CDH13: variants seen among roughly 807,000 people sequenced by gnomAD.
CDH13 encodes cadherin 13.
CDH13 carries 24 observed loss-of-function variants against 63.8 expected under a neutral mutation model. The observed-to-expected ratio is 0.38, with a 90% CI of 0.27 to 0.53. The LOEUF (loss-of-function observed/expected upper bound fraction) is 0.53, where lower values mean the gene tolerates loss of function less well. Among genes scored for constraint, CDH13 ranks in the 20% least tolerant of loss-of-function variants. The pLI, the probability that CDH13 is intolerant of heterozygous loss-of-function variation, is 0.85. For synonymous variants in CDH13, 503 were observed against 355.3 expected, an observed-to-expected ratio of 1.42 and a Z score of -4.67; for missense variants, 1,049 against 903.1, an observed-to-expected ratio of 1.16 and a Z score of -2.07.
chr16:83,339,835 G>T (rs532446968), intron 5 of CDH13, among the ~76,000 whole-genome samples: 39 of 152,274 alleles, frequency 2.6e-4, no homozygotes, highest in African/African-American at 8.7e-4. Context: ...ATCTCTCAAA[G>T]TGCTGGTTTA....
intron 8 of CDH13, among the ~76,000 whole-genome samples, chr16:83,606,857 A>C (rs1042858120): frequency 6.6e-6 from 1 of 152,064 alleles, no homozygotes; most frequent in African/African-American, 2.4e-5. Flanking sequence ...CAATAGGGTC[A>C]CTGCAGCACC....
At chr16:83,098,629 A>C (rs566947427) in intron 3 of CDH13, among the ~76,000 whole-genome samples, 2 of 152,312 alleles carry the variant, frequency 1.3e-5, no homozygotes, top group East Asian at 1.9e-4. Flanking sequence ...TGGATACAGA[A>C]TTCTGAGTTG....
intron 2 of CDH13, among the ~76,000 whole-genome samples, chr16:82,997,497 C>A (rs1166126316): frequency 6.6e-6 from 1 of 152,030 alleles, no homozygotes; most frequent in Non-Finnish European, 1.5e-5. Context: ...CCATGGTAAA[C>A]AAAATGTCAA....
intron 6 of CDH13, among the ~76,000 whole-genome samples, chr16:83,365,028 A>G (rs1486755112): frequency 6.6e-6 from 1 of 152,242 alleles, no homozygotes; most frequent in Admixed American, 6.5e-5. Flanking sequence ...AGGTGTACCT[A>G]TGTAATAAAC....
At chr16:83,308,514 C>T (rs2089929778) in intron 5 of CDH13, among the ~76,000 whole-genome samples, 1 of 152,146 alleles carries the variant, frequency 6.6e-6, no homozygotes, top group Admixed American at 6.5e-5. Flanking sequence ...AGGAATTTTT[C>T]AGTATAAGGC....
chr16:82,825,566 G>A (rs1426588217), intron 1 of CDH13: 18 of 138,012 alleles, frequency 1.3e-4, no homozygotes, highest in Admixed American at 4.6e-4. Flanking sequence ...TTCCCAAACA[G>A]AGTCTCCCTC....
rs1567731430 is a variant in CDH13, at chr16:83,000,220, C to CTT, written c.158-31789_158-31788dup. On this transcript the variant is annotated intron_variant, in intron 2 of 13. Coordinates refer to ENST00000567109, the MANE Select transcript of CDH13 (RefSeq NM_001257.5). ...TCCCTAGGAATATCCACAGGTTTAG[C>CTT]TTATTTTTTTTTTTTTTTTTTTTTT... Among the ~76,000 whole-genome samples the CTT allele has an allele frequency of 3.0e-3, 102 of 33,968 alleles. 14 individuals are homozygous for CTT. The highest frequency in any genetic ancestry group is 6.3e-3 in the African/African-American group (61 of 9,672). The allele number at this position is 33,968 out of a possible 152,430, so 22.3% of individuals were successfully genotyped here. A position where few individuals can be genotyped will look rare whatever the true frequency, so the allele number is the denominator to read the frequency against.
rs9936069 is a variant in CDH13, at chr16:82,651,924, A to T, written c.45+24787A>T. ...GTCAGTCCAGGGAAAAGCAGGAGGGAAGATAAGACATGACTGAGAATTCAG... is the reference window on the plus strand; with the variant it reads ...GTCAGTCCAGGGAAAAGCAGGAGGGTAGATAAGACATGACTGAGAATTCAG... On this transcript the variant is annotated intron_variant, in intron 1 of 13. Transcript: ENST00000567109. Among the ~76,000 whole-genome samples the T allele has an allele frequency of 9.8e-3, 1,500 of 152,318 alleles. 26 individuals are homozygous for T. The highest frequency in any genetic ancestry group is 0.035 in the African/African-American group (1,437 of 41,558).
At chr16:82,700,188 G>C (rs1006305176) in intron 1 of CDH13, among the ~76,000 whole-genome samples, 6 of 152,156 alleles carry the variant, frequency 3.9e-5, no homozygotes, top group Non-Finnish European at 8.8e-5. Context: ...TTTTTCCTGC[G>C]GGACTTCTCA....
At chr16:82,926,738 G>A (rs1467434390) in intron 2 of CDH13, among the ~76,000 whole-genome samples, 1 of 152,200 alleles carries the variant, frequency 6.6e-6, no homozygotes, top group East Asian at 1.9e-4. Context: ...TCTGAGCAGT[G>A]TGAGGCATGG....
At chr16:83,199,798 C>G (rs2038973072) in intron 4 of CDH13, among the ~76,000 whole-genome samples, 1 of 152,096 alleles carries the variant, frequency 6.6e-6, no homozygotes, top group South Asian at 2.1e-4. Flanking sequence ...GAATGCAGGT[C>G]TATTATTCCC....
In CDH13 at chr16:83,645,737, G is replaced by A. The variant is rs115091723; in HGVS notation, c.1102-25053G>A. Among the ~76,000 whole-genome samples, 824 of 151,968 alleles carry A rather than the reference G, an allele frequency of 5.4e-3. 8 individuals carry two copies. Among genetic ancestry groups the A allele is most frequent in the African/African-American group, 0.019 (769 of 41,438 alleles). On this transcript the variant is annotated intron_variant, in intron 8 of 13. Coordinates refer to ENST00000567109, the MANE Select transcript of CDH13 (RefSeq NM_001257.5). ...ACTTGCTAGCCCCTGCAGGTGGCCC[G>A]TTCTTGGTGGTAGAGCATAAGGGAA...
intron 4 of CDH13, among the ~76,000 whole-genome samples, chr16:83,164,025 A>C (rs1187010451): frequency 1.3e-5 from 2 of 152,008 alleles, no homozygotes; most frequent in African/African-American, 4.8e-5. Flanking sequence ...TCACACCAAC[A>C]CTATAAAAAA....
intron 5 of CDH13, among the ~76,000 whole-genome samples, chr16:83,335,537 A>G (rs1405550212): frequency 2.0e-5 from 3 of 152,108 alleles, no homozygotes; most frequent in African/African-American, 7.2e-5. Flanking sequence ...GGAGGAGACC[A>G]TCCCTCATAT....
At chr16:83,709,227 C>G (rs1381449113) in intron 10 of CDH13, among the ~76,000 whole-genome samples, 1 of 152,148 alleles carries the variant, frequency 6.6e-6, no homozygotes, top group Non-Finnish European at 1.5e-5. Flanking sequence ...AAAAGGAACA[C>G]AGCCCTGCCA....
intron 4 of CDH13, among the ~76,000 whole-genome samples, chr16:83,185,412 A>T (rs1160225757): frequency 6.6e-6 from 1 of 152,196 alleles, no homozygotes; most frequent in Non-Finnish European, 1.5e-5. Context: ...AAAATTGTCA[A>T]CCATGTACAC....
At chr16:82,740,002 C>T (rs1288867296) in intron 1 of CDH13, among the ~76,000 whole-genome samples, 1 of 152,132 alleles carries the variant, frequency 6.6e-6, no homozygotes, top group Non-Finnish European at 1.5e-5. Context: ...AGCAAAATAC[C>T]ACCTAATAGA....
At position 83,799,521 on chromosome 16, in the gene CDH13, G is replaced by A. The variant is rs17780828; in HGVS notation, c.*4491G>A. 6.6e-6 allele frequency: 1 copy of A among 151,896 alleles called. No individual in the cohort carries two copies. The highest frequency in any genetic ancestry group is 2.4e-5 in the African/African-American group (1 of 41,330). The allele number at this position is 151,896 out of a possible 1,614,324, so 9.4% of individuals were successfully genotyped here. On this transcript the variant is annotated 3_prime_UTR_variant, in exon 14 of 14. Transcript: ENST00000567109. ...AAAGGTAGCCCATAAATCTGTTTAC[G>A]TGTAGCTGCCTTAAACATGAGTCAA...
intron 4 of CDH13, chr16:83,180,921 G>A (rs1367755047): frequency 3.3e-6 from 5 of 1,531,474 alleles, no homozygotes; most frequent in Non-Finnish European, 4.4e-6. Context: ...AGGCATTACA[G>A]CAGATTTAAA....
Sources: allele counts gnomAD v4.1 joint callset (sites outside exome capture counted in the v4.1 genomes callset), GRCh38; gene constraint gnomAD v4.1.1; transcripts MANE v1.5; gene names NCBI Gene and HGNC (gene_info 2026-07-23, HGNC 2026-07-21).